CELSR2: variants seen among roughly 807,000 people sequenced by gnomAD.
CELSR2 encodes EGF-like protein 2.
A neutral mutation model predicts 251.6 loss-of-function variants in CELSR2; 81 were observed. The observed-to-expected ratio is 0.32, with a 90% CI of 0.27 to 0.39. The LOEUF (loss-of-function observed/expected upper bound fraction) is 0.39. Ranked by LOEUF, CELSR2 falls within the 10% of genes least tolerant of loss-of-function variation. The probability of loss-of-function intolerance (pLI) is 1.00; values close to 1 mark genes in which losing one functional copy is unlikely to be tolerated. For missense variants in CELSR2, 3,365 were observed against 3,947.7 expected (o/e 0.85, Z 3.96); for synonymous variants, 1,721 against 1,670.5 (o/e 1.03, Z -0.74).
Position 109,252,922 on chromosome 1 carries a change from C to A in CELSR2, c.2843C>A (p.Pro948His). 6.2e-7 allele frequency: 1 copy of A among 1,612,524 alleles called. No individual in the cohort carries two copies. Among genetic ancestry groups the A allele is most frequent in the Non-Finnish European group, 8.5e-7 (1 of 1,179,150 alleles). ...LAVARVTATD[P>H]DEGTNAQIMY... is the part of the protein sequence containing the mutation. ...GTGGCCCGGGTCACAGCCACTGACC[C>A]CGATGAAGGCACCAATGCCCAGATT... Residue 948 changes from proline (P) to histidine (H), a missense_variant, in exon 1 of 34, where the codon CCC (proline) becomes CAC (histidine). Coordinates refer to ENST00000271332, the MANE Select transcript of CELSR2 (RefSeq NM_001408.3). This position sits in a 1 kb window ranked among gnomAD's most constrained non-coding sequence, Gnocchi z 4.8.
At position 109,259,077 on chromosome 1, in the gene CELSR2, C is replaced by T. The variant is rs1332219033; in HGVS notation, c.3956C>T (p.Thr1319Met). The T allele has an allele frequency of 7.6e-6, 12 of 1,574,798 alleles. 1 individual carries two copies. The highest frequency in any genetic ancestry group is 2.3e-5 in the South Asian group (2 of 87,424). Residue 1319 changes from threonine (T) to methionine (M), a missense_variant and splice_region_variant, in exon 2 of 34, where the codon ACG becomes ATG. Thr to Met is a moderately conservative substitution (Grantham distance 81). This residue lies in a region of CELSR2 where 2,093 missense variants were observed against 2,382.8 expected (regional missense o/e 0.88). Transcript: ENST00000271332. ...GYTCLCRDGY[T>M]GEHCEVSARS... ...ACCTGCCTCTGTCGTGATGGCTACA[C>T]GGGTGAGCCAAGGGAGGGGACTCAT...
rs1313221132 is a variant in CELSR2, at chr1:109,262,922, G to A, written c.4661G>A (p.Arg1554Gln). 2.5e-6 allele frequency: 4 copies of A among 1,613,836 alleles called. No individual in the cohort carries two copies. Among genetic ancestry groups the A allele is most frequent in the Non-Finnish European group, 3.4e-6 (4 of 1,180,008 alleles). ...GCMRNLQVDS[R>Q]HIDMADFIAN... ...ATGCGGAACCTGCAGGTGGACAGCC[G>A]GCACATAGACATGGCTGACTTCATT... is the stretch of plus-strand genomic sequence containing the variant. The change falls in exon 7 of 34, where the codon CGG becomes CAG. Residue 1554 changes from arginine (R) to glutamine (Q), a missense_variant. Physicochemically the swap from Arg to Gln is conservative, Grantham distance 43 (BLOSUM62 1). This residue lies in a region of CELSR2 where 2,093 missense variants were observed against 2,382.8 expected (regional missense o/e 0.88). Coordinates refer to ENST00000271332, the MANE Select transcript of CELSR2 (RefSeq NM_001408.3).
At position 109,251,476 on chromosome 1, in the gene CELSR2, C is replaced by T. The variant is rs752173128; in HGVS notation, c.1397C>T (p.Thr466Met). Residue 466 changes from threonine (T) to methionine (M), a missense_variant, in exon 1 of 34, where the codon ACG becomes ATG. Physicochemically the swap from Thr to Met is moderately conservative, Grantham distance 81. Transcript: ENST00000271332. This position sits in a 1 kb window ranked among gnomAD's most constrained non-coding sequence, Gnocchi z 4.9. ...GTGGTGAGCCCTCTTGACTATGAGA[C>T]GACCAAGGAGTACACCCTACGGGTG... Reference protein sequence around the residue: ...LDVVSPLDYETTKEYTLRVRA... With the variant: ...LDVVSPLDYEMTKEYTLRVRA... 7 of 1,613,798 alleles carry T rather than the reference C, an allele frequency of 4.3e-6. No individual in the cohort carries two copies. Among genetic ancestry groups the T allele is most frequent in the South Asian group, 1.1e-5 (1 of 91,088 alleles).
At chr1:109,266,973 G>A (rs1021995878) in intron 15 of CELSR2, among the ~76,000 whole-genome samples, 5 of 151,864 alleles carry the variant, frequency 3.3e-5, no homozygotes, top group African/African-American at 4.8e-5. Context: ...AGCCCGCCTC[G>A]GCCTCCCAAA....
chr1:109,250,400 T>G lies in CELSR2; in HGVS notation c.321T>G (p.Pro107=). The G allele has an allele frequency of 6.2e-7, 1 of 1,613,610 alleles. No homozygotes were observed. The highest frequency in any genetic ancestry group is 1.3e-5 in the African/African-American group (1 of 75,064). Residue 107 remains proline, a synonymous_variant, in exon 1 of 34, where the codon CCT becomes CCG. Coordinates refer to ENST00000271332, the MANE Select transcript of CELSR2 (RefSeq NM_001408.3). The surrounding 1 kb of genome is among the most constrained non-coding windows in gnomAD (Gnocchi z 4.4). Reference sequence around the variant, plus strand: ...CCCATATTCCCCTACCACCAGCTCCTGAAGGCTGCCCCTGGAGCTGTCGCC... The same window carrying G: ...CCCATATTCCCCTACCACCAGCTCCGGAAGGCTGCCCCTGGAGCTGTCGCC... ...SEAHIPLPPA[P]EGCPWSCRLL... is the part of the protein sequence containing the mutation.
chr1:109,254,913 G>T (rs949619942), intron 1 of CELSR2, among the ~76,000 whole-genome samples: 1 of 152,208 alleles, frequency 6.6e-6, no homozygotes, highest in African/African-American at 2.4e-5. Context: ...CTTGAGACAA[G>T]TGGGAAGGAG....
intron 1 of CELSR2, among the ~76,000 whole-genome samples, chr1:109,254,099 G>A (rs548098711): frequency 5.9e-5 from 9 of 152,146 alleles, no homozygotes; most frequent in South Asian, 2.1e-4. Flanking sequence ...CTTGGAGGAG[G>A]GGCTGCAATG....
chr1:109,269,178 C>T lies in CELSR2; in HGVS notation c.6700C>T (p.Gln2234Ter). The part of the protein sequence containing the change: ...AQEPEELARR[Q>*]RRHPELSQGE... The stretch of plus-strand genomic sequence containing the variant: ...GGAGCCAGAGGAGCTGGCACGGCGA[C>T]AGCGACGGCACCCGGAGCTGAGCCA... The change falls in exon 20 of 34, where the codon CAG becomes TAG. Residue 2234 changes from glutamine to a stop codon, truncating the protein, a stop_gained. Coordinates refer to ENST00000271332, the MANE Select transcript of CELSR2 (RefSeq NM_001408.3). LOFTEE classifies it high-confidence loss of function. The surrounding 1 kb of genome is among the most constrained non-coding windows in gnomAD (Gnocchi z 6.4). The T allele has an allele frequency of 6.2e-7, 1 of 1,612,240 alleles. No homozygotes were observed. The highest frequency in any genetic ancestry group is 8.5e-7 in the Non-Finnish European group (1 of 1,179,530).
chr1:109,267,480 T>A, intron 15 of CELSR2, 68 bp from the exon 16 acceptor site: 1 of 1,460,832 alleles, frequency 6.8e-7, no homozygotes, highest in Non-Finnish European at 9.5e-7. Context: ...CAGCAGAACC[T>A]CTCAGCCAGT....
In CELSR2 at chr1:109,251,920, A is replaced by G. The variant is rs372254510; in HGVS notation, c.1841A>G (p.Glu614Gly). ...NDNNPTFTQP[E>G]YTVRLNEDAA... Reference sequence around the variant, plus strand: ...AACAATCCAACCTTTACCCAACCAGAGTACACAGTGCGGCTCAATGAGGAT... The same window carrying G: ...AACAATCCAACCTTTACCCAACCAGGGTACACAGTGCGGCTCAATGAGGAT... The change falls in exon 1 of 34, where the codon GAG becomes GGG. Residue 614 changes from glutamate (E) to glycine (G), a missense_variant. Around this residue, in one of 5 missense-constraint regions of CELSR2, gnomAD observed 60 missense variants for 104.8 expected, o/e 0.57. Transcript: ENST00000271332. This position sits in a 1 kb window ranked among gnomAD's most constrained non-coding sequence, Gnocchi z 4.9. 6 of 1,614,026 alleles carry G rather than the reference A, an allele frequency of 3.7e-6. No individual in the cohort carries two copies. The highest frequency in any genetic ancestry group is 2.2e-5 in the East Asian group (1 of 44,890).
chr1:109,273,611 C>T lies in CELSR2; in HGVS notation c.8685C>T (p.Val2895=). The change falls in exon 33 of 34, where the codon GTC becomes GTT. Residue 2895 remains valine, a synonymous_variant. Coordinates refer to ENST00000271332, the MANE Select transcript of CELSR2 (RefSeq NM_001408.3). ...RQSLQEQLNG[V]MPIAMSIKAG... is the part of the protein sequence containing the mutation. ...GCCTCCAGGAGCAGCTGAACGGGGT[C>T]ATGCCCATCGCCATGAGCATCAAGG... The T allele has an allele frequency of 1.3e-6, 2 of 1,538,248 alleles. No homozygotes were observed. The highest frequency in any genetic ancestry group is 1.2e-5 in the South Asian group (1 of 83,484).
Position 109,270,521 on chromosome 1 carries a change from C to T in CELSR2, c.7404C>T (p.Leu2468=), listed in dbSNP as rs1656340106. 2.5e-6 allele frequency: 4 copies of T among 1,614,198 alleles called. No homozygotes were observed. The highest frequency in any genetic ancestry group is 3.4e-6 in the Non-Finnish European group (4 of 1,180,028). ...LLEALHLYRA[L]TEVRDVNTGP... ...AGGCCTTGCACCTGTACCGGGCACTCACTGAGGTGCGCGATGTCAACACCG... is the reference window on the plus strand; with the variant it reads ...AGGCCTTGCACCTGTACCGGGCACTTACTGAGGTGCGCGATGTCAACACCG... Residue 2468 remains leucine (L), a synonymous_variant, in exon 24 of 34, where the codon CTC becomes CTT. Transcript: ENST00000271332.
chr1:109,260,421 G>A (rs114953736), intron 2 of CELSR2, among the ~76,000 whole-genome samples: 339 of 152,254 alleles, frequency 2.2e-3, no homozygotes, highest in African/African-American at 7.8e-3. Flanking sequence ...TGGACCGCAG[G>A]GCTCAAGGTG....
chr1:109,250,268 G>C lies in CELSR2; in HGVS notation c.189G>C (p.Ser63=). 2.5e-6 allele frequency: 4 copies of C among 1,612,574 alleles called. No homozygotes were observed. Among genetic ancestry groups the C allele is most frequent in the Non-Finnish European group, 3.4e-6 (4 of 1,179,690 alleles). Residue 63 remains serine (S), a synonymous_variant, in exon 1 of 34, where the codon TCG becomes TCC. Transcript: ENST00000271332. The surrounding 1 kb of genome is among the most constrained non-coding windows in gnomAD (Gnocchi z 4.4). The part of the protein sequence containing the change: ...PMGWLCPSSA[S]NLWLYTSRCR... ...GCTGGCTCTGTCCATCCTCAGCGTC[G>C]AACCTCTGGCTCTACACCAGCCGCT...
chr1:109,265,642 G>A (rs1656164424), intron 13 of CELSR2, 93 bp from the exon 14 acceptor site: 2 of 1,478,936 alleles, frequency 1.4e-6, no homozygotes, highest in Non-Finnish European at 1.8e-6. Flanking sequence ...CTGAGGTCGG[G>A]ACCCTCTCCA....
chr1:109,253,096 G>A lies in CELSR2; in HGVS notation c.3017G>A (p.Arg1006Gln), dbSNP rs987302804. The change falls in exon 1 of 34, where the codon CGG becomes CAG. Residue 1006 changes from arginine (R) to glutamine (Q), a missense_variant. Around this residue, in one of 5 missense-constraint regions of CELSR2, gnomAD observed 505 missense variants for 660.0 expected, o/e 0.77. Transcript: ENST00000271332. Reference sequence around the variant, plus strand: ...GCCACGTCAGCTCCTCTGGTGAGCCGGGCTACAGTCCACGTCCGCCTCCTT... The same window carrying A: ...GCCACGTCAGCTCCTCTGGTGAGCCAGGCTACAGTCCACGTCCGCCTCCTT... Reference protein sequence around the residue: ...IQATSAPLVSRATVHVRLLDR... With the variant: ...IQATSAPLVSQATVHVRLLDR... 9.9e-6 allele frequency: 16 copies of A among 1,613,548 alleles called. 1 individual carries two copies. The highest frequency in any genetic ancestry group is 6.6e-5 in the South Asian group (6 of 91,086).
chr1:109,262,261 C>A, intron 5 of CELSR2, 26 bp from the exon 6 acceptor site: 1 of 1,610,694 alleles, frequency 6.2e-7, no homozygotes, highest in Non-Finnish European at 8.5e-7. Flanking sequence ...TCAGTGTCCC[C>A]CTTCTCTGCT....
Position 109,252,234 on chromosome 1 carries a change from G to T in CELSR2, c.2155G>T (p.Val719Leu). The change falls in exon 1 of 34, where the codon GTG becomes TTG. Residue 719 changes from valine (V) to leucine (L), a missense_variant. Around this residue, in one of 5 missense-constraint regions of CELSR2, gnomAD observed 505 missense variants for 660.0 expected, o/e 0.77. Transcript: ENST00000271332. The surrounding 1 kb of genome is among the most constrained non-coding windows in gnomAD (Gnocchi z 4.8). ...RPVFQSSHYT[V>L]NVNEDRPAGT... ...TGTCTTTCAGAGCTCCCACTATACA[G>T]TGAATGTTAATGAGGACCGGCCGGC... 1 of 1,613,586 alleles carries T rather than the reference G, an allele frequency of 6.2e-7. No individual in the cohort carries two copies. The highest frequency in any genetic ancestry group is 8.5e-7 in the Non-Finnish European group (1 of 1,180,036).
At chr1:109,262,674 C>T in intron 6 of CELSR2, 132 bp from the exon 7 acceptor site, 1 of 1,463,594 alleles carries the variant, frequency 6.8e-7, no homozygotes, top group South Asian at 1.3e-5. Flanking sequence ...TGACGCCCTT[C>T]CTGAGCACTG....
Sources: gnomAD v4.1 joint callset for allele counts (sites outside exome capture counted in the v4.1 genomes callset) on GRCh38, gnomAD v4.1.1 for gene constraint, gnomAD v4.1.1 regional missense constraint, Gnocchi (gnomAD v3.1) non-coding constraint, MANE v1.5 for transcripts, NCBI Gene and HGNC (gene_info 2026-07-23, HGNC 2026-07-21) for gene names.